Variants in PCDHA4 observed in about 807,000 individuals in gnomAD.
PCDHA4 encodes the protein protocadherin alpha 4, also known as protocadherin alpha-4.
A neutral mutation model predicts 61.4 loss-of-function variants in PCDHA4; 49 were observed. The ratio of observed to expected loss-of-function variants is 0.80; its 90% CI spans 0.63 to 1.01. The LOEUF is 1.01. PCDHA4 is among the 50% of genes least tolerant of loss of function. PCDHA4 has a pLI of 0.00. For synonymous variants in PCDHA4, 590 were observed against 550.3 expected (o/e 1.07, Z -1.01); for missense variants, 1,254 against 1,235.8 (o/e 1.01, Z -0.22).
intron 1 of PCDHA4, among the ~76,000 whole-genome samples, chr5:140,893,847 C>T (rs962788536): frequency 6.6e-6 from 1 of 152,134 alleles, no homozygotes; most frequent in African/African-American, 2.4e-5. Flanking sequence ...TGATGCCCTA[C>T]CTCTTGTATA....
At chr5:140,970,316 A>G (rs547261671) in intron 1 of PCDHA4, among the ~76,000 whole-genome samples, 1 of 152,342 alleles carries the variant, frequency 6.6e-6, no homozygotes, top group African/African-American at 2.4e-5. Flanking sequence ...GTTAAATGAC[A>G]GTACTTCCAA....
At chr5:140,864,577 A>G (rs1554158987) in intron 1 of PCDHA4, 2 of 152,198 alleles carry the variant, frequency 1.3e-5, no homozygotes, top group African/African-American at 4.8e-5. Context: ...TTGTCTTCAC[A>G]ATCTTCAACT....
rs2150129886 is a variant in PCDHA4 at position 140,823,868 on chromosome 5, A to T, written c.2385+14296A>T. On this transcript the variant is annotated intron_variant, in intron 1 of 3. Coordinates refer to ENST00000530339, the MANE Select transcript of PCDHA4 (RefSeq NM_018907.4). ...GCTGCCCTGGTGGATGTCAACGTGTACCTGATCATCGCCATCTGTGCGGTG... is the reference window on the plus strand; with the variant it reads ...GCTGCCCTGGTGGATGTCAACGTGTTCCTGATCATCGCCATCTGTGCGGTG... 1.9e-6 allele frequency: 3 copies of T among 1,613,710 alleles called. No individual in the cohort carries two copies. The African/African-American group carries it at 4.0e-5, about 22-fold the overall frequency.
intron 1 of PCDHA4, chr5:140,822,934 T>C: frequency 6.2e-7 from 1 of 1,614,238 alleles, no homozygotes; most frequent in Non-Finnish European, 8.5e-7. Context: ...GGTGACCTGC[T>C]CCCTAATGCC....
At chr5:140,829,450 G>T (rs2150168198) in intron 1 of PCDHA4, 1 of 1,613,936 alleles carries the variant, frequency 6.2e-7, no homozygotes, top group Non-Finnish European at 8.5e-7. Context: ...ACAATGCTCC[G>T]GCGTTCGCGC....
At chr5:140,968,027 C>G in intron 1 of PCDHA4, 2 of 1,614,200 alleles carry the variant, frequency 1.2e-6, no homozygotes, top group Middle Eastern at 1.6e-4. Flanking sequence ...CTCCTATACA[C>G]TGGTGGTGAG....
chr5:140,830,190 T>C, intron 1 of PCDHA4: 1 of 1,613,680 alleles, frequency 6.2e-7, no homozygotes, highest in Non-Finnish European at 8.5e-7. Context: ...AACGTGTACC[T>C]GATCATCGCC....
chr5:140,874,526 T>G (rs2054964457), intron 1 of PCDHA4, among the ~76,000 whole-genome samples: 1 of 152,242 alleles, frequency 6.6e-6, no homozygotes. Flanking sequence ...GTCAATGAGA[T>G]TAGGCTCCAA....
intron 1 of PCDHA4, among the ~76,000 whole-genome samples, chr5:140,916,847 C>T (rs1276107761): frequency 1.3e-5 from 2 of 152,116 alleles, no homozygotes; most frequent in Non-Finnish European, 2.9e-5. Flanking sequence ...GAGCCCAGCC[C>T]AGCACTAGGA....
chr5:140,849,625 T>A, intron 1 of PCDHA4: 1 of 1,598,718 alleles, frequency 6.3e-7, no homozygotes, highest in Non-Finnish European at 8.6e-7. Flanking sequence ...GTGATCGACC[T>A]AGACGCAGAT....
At chr5:140,817,409 G>A (rs1437672587) in intron 1 of PCDHA4, 1 of 152,240 alleles carries the variant, frequency 6.6e-6, no homozygotes, top group Admixed American at 6.5e-5. Flanking sequence ...TATTGTTGTT[G>A]AGTTGGTATA....
chr5:140,957,038 C>T (rs534661886), intron 1 of PCDHA4, among the ~76,000 whole-genome samples: 1 of 152,048 alleles, frequency 6.6e-6, no homozygotes, highest in South Asian at 2.1e-4. Context: ...TTATGGGAGT[C>T]ATATAAAATA....
rs374506056 is a variant in PCDHA4, at chr5:140,858,272, G to T, written c.2385+48700G>T. 1.3e-4 allele frequency: 201 copies of T among 1,597,346 alleles called. 14 individuals carry two copies. In the African/African-American group the frequency reaches 2.1e-3, roughly 17 times the overall value. On this transcript the variant is annotated intron_variant, in intron 1 of 3. Transcript: ENST00000530339. The stretch of plus-strand genomic sequence containing the variant: ...GAAGCCCACGCTGGTGTGCTCTAGC[G>T]CGGTGGGGAGCTGGTCTTACTCGCA...
At chr5:140,838,065 T>TTATA (rs144773480) in intron 1 of PCDHA4, among the ~76,000 whole-genome samples, 2 of 113,460 alleles carry the variant, frequency 1.8e-5, no homozygotes, top group Admixed American at 1.8e-4. Context: ...CCACTTTAAG[T>TTATA]TATATATATA....
intron 1 of PCDHA4, chr5:140,875,191 C>A: frequency 4.0e-6 from 2 of 502,492 alleles, no homozygotes; most frequent in Non-Finnish European, 6.4e-6. Flanking sequence ...TAAGAGTGAC[C>A]CAGGAAGTGG....
chr5:140,809,132 G>A lies in PCDHA4; in HGVS notation c.1945G>A (p.Val649Ile). The A allele has an allele frequency of 6.2e-7, 1 of 1,614,020 alleles. No individual in the cohort carries two copies. Among genetic ancestry groups the A allele is most frequent in the East Asian group, 2.2e-5 (1 of 44,872 alleles). ...ETDAPRHRLLVLVKDHGEPAL... is the reference protein window; with the variant it reads ...ETDAPRHRLLILVKDHGEPAL... Reference sequence around the variant, plus strand: ...GGACGCTCCGCGCCACCGCCTACTGGTACTGGTGAAGGACCACGGCGAGCC... The same window carrying A: ...GGACGCTCCGCGCCACCGCCTACTGATACTGGTGAAGGACCACGGCGAGCC... The change falls in exon 1 of 4, where the codon GTA becomes ATA. Residue 649 changes from valine (V) to isoleucine (I), a missense_variant. Physicochemically the swap from Val to Ile is conservative, Grantham distance 29 (BLOSUM62 3). Transcript: ENST00000530339.
At chr5:141,007,299 T>C (rs550659664) in intron 3 of PCDHA4, among the ~76,000 whole-genome samples, 9 of 151,686 alleles carry the variant, frequency 5.9e-5, no homozygotes, top group African/African-American at 2.2e-4. Context: ...GCCTGTAATC[T>C]TAGCATTTTG....
intron 1 of PCDHA4, chr5:140,823,761 C>T (rs2150066668): frequency 6.2e-7 from 1 of 1,613,892 alleles, no homozygotes. Flanking sequence ...CAGCCACAGC[C>T]ACAGTGCTGG....
Position 140,808,453 on chromosome 5 carries a change from G to A in PCDHA4, c.1266G>A (p.Glu422=). 6.2e-7 allele frequency: 1 copy of A among 1,614,226 alleles called. No homozygotes were observed. The part of the protein sequence containing the change: ...ALDRESVSAY[E]LVVTARDGGS... ...ACCGCGAGAGCGTGTCAGCCTATGA[G>A]CTGGTGGTGACCGCGCGAGACGGGG... Residue 422 remains glutamate, a synonymous_variant, in exon 1 of 4, where the codon GAG becomes GAA. Transcript: ENST00000530339.
Sources: gnomAD v4.1 joint callset for allele counts (sites outside exome capture counted in the v4.1 genomes callset) on GRCh38, gnomAD v4.1.1 for gene constraint, MANE v1.5 for transcripts, NCBI Gene and HGNC (gene_info 2026-07-23, HGNC 2026-07-21) for gene names.